KCNC2: variants seen among roughly 807,000 people sequenced by gnomAD.
KCNC2 encodes the protein potassium voltage-gated channel subfamily C member 2, also known as voltage-gated potassium channel KCNC2.
A neutral mutation model predicts 44.5 loss-of-function variants in KCNC2; 21 were observed. The ratio of observed to expected loss-of-function variants is 0.47; its 90% CI spans 0.33 to 0.68. The LOEUF is 0.68. KCNC2 is among the 30% of genes least tolerant of loss of function. The pLI, the probability that KCNC2 is intolerant of heterozygous loss-of-function variation, is 0.01. For synonymous variants in KCNC2, 391 were observed against 339.1 expected (o/e 1.15, Z -1.68); for missense variants, 589 against 826.2 (o/e 0.71, Z 3.52).
intron 2 of KCNC2, among the ~76,000 whole-genome samples, chr12:75,064,351 A>G (rs10879879): frequency 0.42 from 63,298 of 151,714 alleles, 16,460 homozygotes; most frequent in Non-Finnish European, 0.59. Context: ...TCCCTATAAC[A>G]CCTTCTATCT....
intron 2 of KCNC2, among the ~76,000 whole-genome samples, chr12:75,066,944 TG>T (rs772630058): frequency 2.0e-5 from 3 of 152,204 alleles, no homozygotes; most frequent in Non-Finnish European, 4.4e-5. Context: ...GGCTCACGTC[TG>T]TAGTCCCAGC....
chr12:75,150,982 T>C (rs1890351079), intron 2 of KCNC2, among the ~76,000 whole-genome samples: 1 of 151,926 alleles, frequency 6.6e-6, no homozygotes, highest in African/African-American at 2.4e-5. Flanking sequence ...ATTAGTATGG[T>C]GGATTATATG....
intron 2 of KCNC2, among the ~76,000 whole-genome samples, chr12:75,149,449 T>C (rs1890241011): frequency 6.6e-6 from 1 of 151,860 alleles, no homozygotes; most frequent in Non-Finnish European, 1.5e-5. Context: ...CTATATACCA[T>C]TTTAAATGTG....
chr12:75,063,187 G>C (rs1028653387), intron 2 of KCNC2, among the ~76,000 whole-genome samples: 1 of 151,818 alleles, frequency 6.6e-6, no homozygotes, highest in Non-Finnish European at 1.5e-5. Flanking sequence ...GAGATACCAA[G>C]CAAATCAGCC....
chr12:75,200,865 G>T (rs2031186421), intron 2 of KCNC2, among the ~76,000 whole-genome samples: 2 of 151,688 alleles, frequency 1.3e-5, no homozygotes, highest in Non-Finnish European at 3.0e-5. Flanking sequence ...ACACTATTTT[G>T]TAAACACTTA....
At chr12:75,095,092 C>T (rs1885810165) in intron 2 of KCNC2, among the ~76,000 whole-genome samples, 1 of 151,784 alleles carries the variant, frequency 6.6e-6, no homozygotes, top group African/African-American at 2.4e-5. Flanking sequence ...AGGATGAAGA[C>T]TGTGCTTACT....
chr12:75,078,126 C>T (rs1327087896), intron 2 of KCNC2, among the ~76,000 whole-genome samples: 1 of 151,962 alleles, frequency 6.6e-6, no homozygotes, highest in Non-Finnish European at 1.5e-5. Context: ...TTCCTGGGTA[C>T]CTTGTTTATA....
At chr12:75,125,299 A>G (rs149387949) in intron 2 of KCNC2, among the ~76,000 whole-genome samples, 1,442 of 134,464 alleles carry the variant, frequency 0.011, 27 homozygotes, top group African/African-American at 0.043. Context: ...AAAAAAGTAT[A>G]CAAAAGCACA....
intron 2 of KCNC2, among the ~76,000 whole-genome samples, chr12:75,079,327 T>G (rs1202898646): frequency 2.6e-5 from 4 of 152,056 alleles, no homozygotes; most frequent in Non-Finnish European, 4.4e-5. Context: ...CCATAGGAGA[T>G]GAAGTTTCCT....
intron 2 of KCNC2, among the ~76,000 whole-genome samples, chr12:75,143,234 T>C (rs1026999668): frequency 2.0e-5 from 3 of 152,172 alleles, no homozygotes; most frequent in African/African-American, 7.2e-5. Flanking sequence ...GGAGTTGACC[T>C]CGGCGATCTC....
At chr12:75,179,457 T>C (rs1892407900) in intron 2 of KCNC2, among the ~76,000 whole-genome samples, 1 of 151,830 alleles carries the variant, frequency 6.6e-6, no homozygotes, top group Non-Finnish European at 1.5e-5. Flanking sequence ...TCTCATGTGA[T>C]TGGATATCAA....
At chr12:75,185,528 CTTATG>C (rs1295321789) in intron 2 of KCNC2, among the ~76,000 whole-genome samples, 1 of 151,812 alleles carries the variant, frequency 6.6e-6, no homozygotes, top group Non-Finnish European at 1.5e-5. Context: ...TCTCTTTTCC[CTTATG>C]TTATGGGATG....
chr12:75,204,945 G>A (rs2031570983), intron 2 of KCNC2, among the ~76,000 whole-genome samples: 1 of 152,110 alleles, frequency 6.6e-6, no homozygotes. Flanking sequence ...TTCTTTTTAA[G>A]AAGTTAATTC....
At chr12:75,098,139 G>A (rs898951145) in intron 2 of KCNC2, among the ~76,000 whole-genome samples, 4 of 151,670 alleles carry the variant, frequency 2.6e-5, no homozygotes, top group Non-Finnish European at 4.4e-5. Context: ...TGCTGTTCTC[G>A]GCTAGATAAG....
At chr12:75,064,744 A>C (rs568938955) in intron 2 of KCNC2, among the ~76,000 whole-genome samples, 1 of 152,072 alleles carries the variant, frequency 6.6e-6, no homozygotes, top group African/African-American at 2.4e-5. Flanking sequence ...GGTCATGTCC[A>C]AGCTTATTTC....
intron 2 of KCNC2, among the ~76,000 whole-genome samples, chr12:75,132,363 GAAAT>G (rs1195610662): frequency 1.3e-5 from 2 of 152,102 alleles, no homozygotes. Flanking sequence ...TTGATTAATA[GAAAT>G]AAAGTTAGTT....
At chr12:75,068,645 C>T (rs1454087914) in intron 2 of KCNC2, among the ~76,000 whole-genome samples, 1 of 152,014 alleles carries the variant, frequency 6.6e-6, no homozygotes, top group Non-Finnish European at 1.5e-5. Flanking sequence ...GCTTAATTTC[C>T]AGGAACATTA....
intron 2 of KCNC2, among the ~76,000 whole-genome samples, chr12:75,151,959 T>A (rs1406388914): frequency 6.9e-6 from 1 of 145,964 alleles, no homozygotes; most frequent in African/African-American, 2.5e-5. Flanking sequence ...TATAATATAT[T>A]ATATATTATA....
intron 2 of KCNC2, among the ~76,000 whole-genome samples, chr12:75,172,698 G>A (rs1379952): frequency 6.6e-6 from 1 of 151,858 alleles, no homozygotes; most frequent in African/African-American, 2.4e-5. Context: ...TGGGAGCTTA[G>A]AAAGAGCTAG....
Sources: gnomAD v4.1 joint callset for allele counts (sites outside exome capture counted in the v4.1 genomes callset) on GRCh38, gnomAD v4.1.1 for gene constraint, MANE v1.5 for transcripts, NCBI Gene and HGNC (gene_info 2026-07-23, HGNC 2026-07-21) for gene names.